CENPP: variants seen among roughly 807,000 people sequenced by gnomAD.
CENPP encodes centromere protein P.
In CENPP, 24 loss-of-function variants were observed where a neutral mutation model predicts 35.6. The observed-to-expected ratio is 0.67, with a 90% confidence interval of 0.49 to 0.95. CENPP has a LOEUF of 0.95. Among genes scored for constraint, CENPP ranks in the 40% least tolerant of loss-of-function variants. The pLI is 0.00. For synonymous variants in CENPP, 120 were observed against 125.5 expected (o/e 0.96, Z 0.29); for missense variants, 332 against 345.3 (o/e 0.96, Z 0.31).
At chr9:92,580,685 T>G (rs1246113552) in intron 5 of CENPP, among the ~76,000 whole-genome samples, 1 of 152,254 alleles carries the variant, frequency 6.6e-6, no homozygotes, top group Non-Finnish European at 1.5e-5. Flanking sequence ...TATTTGATTC[T>G]TCTCTCTTTT....
chr9:92,586,011 G>C (rs1291284309), intron 5 of CENPP, among the ~76,000 whole-genome samples: 1 of 152,184 alleles, frequency 6.6e-6, no homozygotes, highest in East Asian at 1.9e-4. Context: ...ATGAGTTGGA[G>C]TAGCTTTCTG....
intron 5 of CENPP, chr9:92,401,046 G>T: frequency 1.1e-6 from 1 of 878,256 alleles, no homozygotes; most frequent in Non-Finnish European, 1.9e-6. Context: ...GTCCATTATA[G>T]CTATTTTTAA....
At chr9:92,497,875 A>T (rs1423735073) in intron 5 of CENPP, among the ~76,000 whole-genome samples, 4 of 40,134 alleles carry the variant, frequency 1.0e-4, no homozygotes, top group African/African-American at 6.4e-4. Context: ...CTGGTTGTTT[A>T]AAAAAAAAAA....
chr9:92,461,897 T>G (rs1374048963), intron 5 of CENPP, among the ~76,000 whole-genome samples: 1 of 151,920 alleles, frequency 6.6e-6, no homozygotes, highest in African/African-American at 2.4e-5. Context: ...GTTTTTTGTG[T>G]TTTTTTTAAA....
chr9:92,392,621 G>A (rs544652182), intron 5 of CENPP, among the ~76,000 whole-genome samples: 1 of 151,456 alleles, frequency 6.6e-6, no homozygotes, highest in Non-Finnish European at 1.5e-5. Flanking sequence ...TGTCGGGTTG[G>A]GGGGAGGGGG....
intron 5 of CENPP, among the ~76,000 whole-genome samples, chr9:92,446,647 C>T (rs1844558641): frequency 6.6e-6 from 1 of 151,766 alleles, no homozygotes; most frequent in South Asian, 2.1e-4. Context: ...TCAGTGATTT[C>T]ATTCAGAAAA....
At position 92,615,301 on chromosome 9, in the gene CENPP, C is replaced by T. The variant is rs1051118599; in HGVS notation, c.*2152C>T. 6 of 161,580 alleles carry T rather than the reference C, an allele frequency of 3.7e-5. No individual in the cohort carries two copies. Among genetic ancestry groups the T allele is most frequent in the African/African-American group, 1.2e-4 (5 of 41,476 alleles). 10.0% of individuals were successfully genotyped at this position (161,580 alleles called of 1,614,324 possible). A position where few individuals can be genotyped will look rare whatever the true frequency, so the allele number is the denominator to read the frequency against. ...CTCAGAATCGGCATCTGCGCGACCA[C>T]GAGGTCACGCTGTGCAGCAGGGAAC... On this transcript the variant is annotated 3_prime_UTR_variant, in exon 8 of 8. Transcript: ENST00000375587.
At chr9:92,355,133 G>A in intron 4 of CENPP, among the ~76,000 whole-genome samples, 1 of 152,116 alleles carries the variant, frequency 6.6e-6, no homozygotes, top group East Asian at 1.9e-4. Flanking sequence ...TGAGAGCAGA[G>A]AACCGGTCTG....
intron 5 of CENPP, among the ~76,000 whole-genome samples, chr9:92,518,172 C>A (rs1847842652): frequency 6.6e-6 from 1 of 152,172 alleles, no homozygotes; most frequent in African/African-American, 2.4e-5. Context: ...ACAACATCAA[C>A]AAACAATCCC....
At chr9:92,546,337 C>G (rs759682518) in intron 5 of CENPP, among the ~76,000 whole-genome samples, 2 of 152,200 alleles carry the variant, frequency 1.3e-5, no homozygotes, top group Admixed American at 6.5e-5. Flanking sequence ...CAGAGGTCCC[C>G]TTCCACTGTG....
At chr9:92,471,015 C>G (rs1243800586) in intron 5 of CENPP, among the ~76,000 whole-genome samples, 1 of 152,090 alleles carries the variant, frequency 6.6e-6, no homozygotes, top group Non-Finnish European at 1.5e-5. Context: ...CACTACTCAT[C>G]CCCTCTAAGG....
intron 5 of CENPP, chr9:92,496,146 A>T (rs1846335133): frequency 7.6e-7 from 1 of 1,313,698 alleles, no homozygotes; most frequent in Non-Finnish European, 9.6e-7. Context: ...CCTAGAGACT[A>T]TACCTTTTAG....
intron 5 of CENPP, among the ~76,000 whole-genome samples, chr9:92,425,073 A>G (rs1843927244): frequency 6.6e-6 from 1 of 152,228 alleles, no homozygotes; most frequent in Admixed American, 6.5e-5. Context: ...TAGAAACATA[A>G]CATTTCGCAT....
intron 5 of CENPP, among the ~76,000 whole-genome samples, chr9:92,405,446 G>A (rs1348288384): frequency 6.6e-6 from 1 of 151,992 alleles, no homozygotes; most frequent in African/African-American, 2.4e-5. Context: ...AGACAAAATT[G>A]TTTTAGAACC....
intron 5 of CENPP, among the ~76,000 whole-genome samples, chr9:92,599,204 T>G (rs1850849752): frequency 6.6e-6 from 1 of 151,912 alleles, no homozygotes; most frequent in East Asian, 1.9e-4. Flanking sequence ...CATTTTACTA[T>G]TCAGAAGCAC....
chr9:92,522,661 A>G, intron 5 of CENPP: 2 of 1,614,158 alleles, frequency 1.2e-6, no homozygotes, highest in Non-Finnish European at 1.7e-6. Context: ...AAAGTTAACA[A>G]TAGGAAGTCT....
At chr9:92,458,355 G>A (rs1192596762) in intron 5 of CENPP, among the ~76,000 whole-genome samples, 1 of 152,082 alleles carries the variant, frequency 6.6e-6, no homozygotes, top group African/African-American at 2.4e-5. Flanking sequence ...GGCCAACGTG[G>A]GATATCCTCC....
intron 5 of CENPP, chr9:92,417,569 T>C (rs764056170): frequency 2.3e-5 from 35 of 1,517,638 alleles, no homozygotes; most frequent in Middle Eastern, 1.7e-4. Context: ...CTTCTTTTTT[T>C]TTTTCCTATT....
chr9:92,450,777 T>C (rs1030614158), intron 5 of CENPP, among the ~76,000 whole-genome samples: 122 of 152,232 alleles, frequency 8.0e-4, no homozygotes, highest in African/African-American at 2.7e-3. Flanking sequence ...GACTTTTTAA[T>C]GATTGCCATT....
Sources: gnomAD v4.1 joint callset for allele counts (sites outside exome capture counted in the v4.1 genomes callset) on GRCh38, gnomAD v4.1.1 for gene constraint, MANE v1.5 for transcripts, NCBI Gene and HGNC (gene_info 2026-07-23, HGNC 2026-07-21) for gene names.